DCC: variants seen among roughly 807,000 people sequenced by gnomAD.
The protein encoded by DCC is DCC netrin 1 receptor.
A neutral mutation model predicts 172.5 loss-of-function variants in DCC; 58 were observed. That is an observed-to-expected ratio of 0.34 (90% confidence interval 0.27 to 0.42). The LOEUF (loss-of-function observed/expected upper bound fraction) is 0.42. Among genes scored for constraint, DCC ranks in the 10% least tolerant of loss-of-function variants. DCC has a pLI of 1.00. For synonymous variants in DCC, 709 were observed against 644.5 expected (o/e 1.10, Z -1.52); for missense variants, 1,740 against 1,791.0 (o/e 0.97, Z 0.51).
At chr18:52,781,546 T>C (rs532895517) in intron 2 of DCC, among the ~76,000 whole-genome samples, 1 of 152,208 alleles carries the variant, frequency 6.6e-6, no homozygotes, top group South Asian at 2.1e-4. Context: ...TCAAGATGAG[T>C]AAAAAGAGTG....
chr18:52,680,697 T>C (rs570273810), intron 1 of DCC, among the ~76,000 whole-genome samples: 1 of 152,034 alleles, frequency 6.6e-6, no homozygotes. Flanking sequence ...AATGAGTGAG[T>C]AGACTTGCAA....
chr18:53,000,293 C>T (rs1311084389), intron 5 of DCC, among the ~76,000 whole-genome samples: 1 of 152,070 alleles, frequency 6.6e-6, no homozygotes, highest in Non-Finnish European at 1.5e-5. Flanking sequence ...TTTGTAGGAT[C>T]ATATAGTAAG....
chr18:53,426,055 A>G (rs996399609), intron 21 of DCC, among the ~76,000 whole-genome samples: 1 of 151,450 alleles, frequency 6.6e-6, no homozygotes, highest in African/African-American at 2.4e-5. Context: ...CATCCACCTC[A>G]CGGTTCTCTA....
intron 8 of DCC, among the ~76,000 whole-genome samples, chr18:53,166,518 C>T (rs965490401): frequency 5.3e-5 from 8 of 152,132 alleles, no homozygotes; most frequent in East Asian, 1.9e-4. Context: ...TGTGGATAGA[C>T]GCTGAAACTA....
At chr18:53,085,823 C>CA (rs905138678) in intron 7 of DCC, among the ~76,000 whole-genome samples, 4 of 150,864 alleles carry the variant, frequency 2.7e-5, no homozygotes, top group African/African-American at 9.8e-5. Flanking sequence ...GATCCTCCTT[C>CA]AAAAAAAATT....
At chr18:52,963,318 C>T (rs933592867) in intron 5 of DCC, among the ~76,000 whole-genome samples, 3 of 151,082 alleles carry the variant, frequency 2.0e-5, no homozygotes, top group Non-Finnish European at 2.9e-5. Context: ...AAAAAAAAGG[C>T]CCGGTGTGAA....
At chr18:52,548,632 C>T (rs1363589604) in intron 1 of DCC, among the ~76,000 whole-genome samples, 1 of 152,058 alleles carries the variant, frequency 6.6e-6, no homozygotes. Flanking sequence ...AATTCGAAAA[C>T]TGGGTTAGTG....
chr18:53,181,520 A>T (rs1266652946), intron 9 of DCC, among the ~76,000 whole-genome samples: 1 of 152,076 alleles, frequency 6.6e-6, no homozygotes, highest in East Asian at 1.9e-4. Flanking sequence ...AAAAAAATAA[A>T]AACTATGATA....
chr18:53,317,148 C>T (rs2057352997), intron 13 of DCC, among the ~76,000 whole-genome samples: 1 of 151,670 alleles, frequency 6.6e-6, no homozygotes, highest in Non-Finnish European at 1.5e-5. Context: ...AAGTTTTTAG[C>T]ATGAAGAGGT....
At chr18:52,464,796 T>G (rs1250330598) in intron 1 of DCC, among the ~76,000 whole-genome samples, 2 of 152,066 alleles carry the variant, frequency 1.3e-5, no homozygotes, top group African/African-American at 4.8e-5. Flanking sequence ...TTTATTATAC[T>G]TACATTTGCC....
At chr18:52,792,697 T>C (rs1264149904) in intron 2 of DCC, among the ~76,000 whole-genome samples, 2 of 151,706 alleles carry the variant, frequency 1.3e-5, no homozygotes, top group African/African-American at 4.8e-5. Context: ...GGCTGGCAGA[T>C]GCCTGTTATT....
intron 15 of DCC, among the ~76,000 whole-genome samples, chr18:53,380,235 A>T (rs1387053203): frequency 1.3e-5 from 2 of 152,170 alleles, no homozygotes; most frequent in Admixed American, 6.5e-5. Context: ...AGCTCTGAGC[A>T]TGTGCAGGAA....
chr18:52,438,219 C>A (rs1043024148), intron 1 of DCC, among the ~76,000 whole-genome samples: 2 of 152,158 alleles, frequency 1.3e-5, no homozygotes, highest in African/African-American at 2.4e-5. Context: ...CAACTGGGTT[C>A]TCGACATCTG....
chr18:52,636,350 G>C (rs930841396), intron 1 of DCC, among the ~76,000 whole-genome samples: 3 of 149,386 alleles, frequency 2.0e-5, no homozygotes, highest in Non-Finnish European at 3.0e-5. Flanking sequence ...GAACTTGGGG[G>C]AGGGCACGAA....
At chr18:52,840,423 C>T (rs1039157628) in intron 2 of DCC, among the ~76,000 whole-genome samples, 2 of 152,272 alleles carry the variant, frequency 1.3e-5, no homozygotes, top group African/African-American at 4.8e-5. Flanking sequence ...TACTAGTATT[C>T]AGGCATTAAT....
At chr18:52,544,882 A>T (rs1340328960) in intron 1 of DCC, among the ~76,000 whole-genome samples, 1 of 152,182 alleles carries the variant, frequency 6.6e-6, no homozygotes, top group Non-Finnish European at 1.5e-5. Context: ...TATAACCATT[A>T]TTCTCACCCA....
chr18:52,881,796 G>T (rs1188483715), intron 2 of DCC, among the ~76,000 whole-genome samples: 2 of 151,970 alleles, frequency 1.3e-5, no homozygotes, highest in African/African-American at 4.8e-5. Context: ...GTCTTCTGTG[G>T]TTCCATATAA....
chr18:53,405,147 A>G (rs965290894), intron 19 of DCC, among the ~76,000 whole-genome samples: 1 of 151,458 alleles, frequency 6.6e-6, no homozygotes, highest in Non-Finnish European at 1.5e-5. Context: ...CAAATTTGCT[A>G]TTCTCAGCTT....
chr18:53,069,332 G>A (rs927102785), intron 7 of DCC, among the ~76,000 whole-genome samples: 9 of 152,112 alleles, frequency 5.9e-5, no homozygotes, highest in Non-Finnish European at 1.0e-4. Context: ...AGAAAGGAGA[G>A]GACAACATTA....
Sources: gnomAD v4.1 joint callset for allele counts (sites outside exome capture counted in the v4.1 genomes callset) on GRCh38, gnomAD v4.1.1 for gene constraint, MANE v1.5 for transcripts, NCBI Gene and HGNC (gene_info 2026-07-23, HGNC 2026-07-21) for gene names.